Variants in VPS13D observed in about 807,000 individuals in gnomAD.
The protein encoded by VPS13D is intermembrane lipid transfer protein VPS13D.
A neutral mutation model predicts 461.9 loss-of-function variants in VPS13D; 187 were observed. The observed-to-expected ratio is 0.40, with a 90% confidence interval of 0.36 to 0.46. The LOEUF (loss-of-function observed/expected upper bound fraction) is 0.46. Ranked by LOEUF, VPS13D falls within the 20% of genes least tolerant of loss-of-function variation. The pLI is 0.60. For missense variants in VPS13D, 4,711 were observed against 5,364.9 expected (o/e 0.88, Z 3.81); for synonymous variants, 1,951 against 1,986.3 (o/e 0.98, Z 0.47).
intron 65 of VPS13D, among the ~76,000 whole-genome samples, chr1:12,429,147 T>C (rs1303337896): frequency 6.6e-6 from 1 of 151,582 alleles, no homozygotes; most frequent in Non-Finnish European, 1.5e-5. Context: ...TAGCCATAAA[T>C]AGTTATTGTA....
chr1:12,313,005 C>T (rs1056449216), intron 29 of VPS13D, among the ~76,000 whole-genome samples: 4 of 152,286 alleles, frequency 2.6e-5, no homozygotes, highest in African/African-American at 9.6e-5. Context: ...GTGCATTTCA[C>T]ACTTAATAAC....
chr1:12,442,644 G>A (rs1195617140), intron 65 of VPS13D, among the ~76,000 whole-genome samples: 1 of 149,470 alleles, frequency 6.7e-6, no homozygotes, highest in Non-Finnish European at 1.5e-5. Flanking sequence ...CACCCAGGCT[G>A]GAGTGCAGTG....
intron 67 of VPS13D, among the ~76,000 whole-genome samples, chr1:12,482,744 A>G (rs1378413003): frequency 6.9e-6 from 1 of 145,234 alleles, no homozygotes; most frequent in Non-Finnish European, 1.5e-5. Flanking sequence ...ATACACTAGT[A>G]TACATATATG....
In VPS13D at chr1:12,276,302, A is replaced by C; in HGVS notation, c.2714A>C (p.Glu905Ala). 1 of 1,614,170 alleles carries C rather than the reference A, an allele frequency of 6.2e-7. No homozygotes were observed. The highest frequency in any genetic ancestry group is 8.5e-7 in the Non-Finnish European group (1 of 1,180,032). ...TGCTTTGCTCTCCTCACCACCCCAG[A>C]AATGAAAACTTCTGACACTCAGATT... ...KNCFALLTTP[E>A]MKTSDTQIKE... The change falls in exon 19 of 70, where the codon GAA becomes GCA. Residue 905 changes from glutamate (E) to alanine (A), a missense_variant. Around this residue, in one of 3 missense-constraint regions of VPS13D, gnomAD observed 4,411 missense variants for 4,937.8 expected, o/e 0.89. Coordinates refer to ENST00000620676, the MANE Select transcript of VPS13D (RefSeq NM_015378.4). The surrounding 1 kb of genome is among the most constrained non-coding windows in gnomAD (Gnocchi z 4.5).
rs780976173 is a variant in VPS13D at position 12,363,046 on chromosome 1, A to G, written c.10273-26A>G. ...ATTGTCATGAATCGACTTGTTGACT[A>G]AAGCCTGTGATCCTATGTGTTTTAG... On this transcript the variant is annotated intron_variant, in intron 51 of 69. Transcript: ENST00000620676. 6.8e-6 allele frequency: 11 copies of G among 1,611,926 alleles called. No individual in the cohort carries two copies. In the South Asian group the frequency reaches 8.8e-5, roughly 13 times the overall value.
chr1:12,420,660 T>C (rs1644851683), intron 65 of VPS13D, among the ~76,000 whole-genome samples: 1 of 152,234 alleles, frequency 6.6e-6, no homozygotes, highest in South Asian at 2.1e-4. Context: ...TAAGCCATTA[T>C]TATAGACATA....
Position 12,283,405 on chromosome 1 carries a change from T to C in VPS13D, c.5303T>C (p.Val1768Ala). The C allele has an allele frequency of 6.2e-7, 1 of 1,614,148 alleles. No homozygotes were observed. The highest frequency in any genetic ancestry group is 8.5e-7 in the Non-Finnish European group (1 of 1,180,022). ...YPLTPPPSPT[V>A]DEPKILVGKS... ...TTGACCCCACCTCCTTCTCCAACAG[T>C]GGATGAGCCCAAGATACTTGTTGGA... Residue 1768 changes from valine (V) to alanine (A), a missense_variant, in exon 21 of 70, where the codon GTG (valine) becomes GCG (alanine). Transcript: ENST00000620676.
chr1:12,323,630 C>CT (rs1557709353), intron 34 of VPS13D, 76 bp from the exon 35 acceptor site: 1 of 1,439,600 alleles, frequency 6.9e-7, no homozygotes, highest in Non-Finnish European at 9.6e-7. Context: ...AATTTCTTTT[C>CT]TTTTTTTCTA....
chr1:12,248,668 A>G (rs1189376530), intron 5 of VPS13D, among the ~76,000 whole-genome samples: 1 of 152,204 alleles, frequency 6.6e-6, no homozygotes, highest in African/African-American at 2.4e-5. Context: ...TAATTCATTG[A>G]AGCAGAGTGC....
Position 12,369,671 on chromosome 1 carries a change from A to G in VPS13D, c.10777A>G (p.Ile3593Val). 6.2e-7 allele frequency: 1 copy of G among 1,614,164 alleles called. No homozygotes were observed. Among genetic ancestry groups the G allele is most frequent in the Non-Finnish European group, 8.5e-7 (1 of 1,180,014 alleles). ...DNRQLYYENF[I>V]YIAATYTFSG... ...TCGGCAGCTTTATTATGAAAATTTCATTTACATTGCTGCTACATATACATT... is the reference window on the plus strand; with the variant it reads ...TCGGCAGCTTTATTATGAAAATTTCGTTTACATTGCTGCTACATATACATT... The change falls in exon 54 of 70, where the codon ATT becomes GTT. Residue 3593 changes from isoleucine (I) to valine (V), a missense_variant. By Grantham distance (29) the Ile-to-Val change is conservative (BLOSUM62 3). This residue lies in a region of VPS13D where 4,411 missense variants were observed against 4,937.8 expected (regional missense o/e 0.89). Coordinates refer to ENST00000620676, the MANE Select transcript of VPS13D (RefSeq NM_015378.4).
In VPS13D at chr1:12,511,380, A is replaced by G. The variant is rs1444196954; in HGVS notation, c.*2356A>G. 1 of 152,196 alleles carries G rather than the reference A, an allele frequency of 6.6e-6. No individual in the cohort carries two copies. Among genetic ancestry groups the G allele is most frequent in the African/African-American group, 2.4e-5 (1 of 41,456 alleles). The allele number at this position is 152,196 out of a possible 1,614,324, so 9.4% of individuals were successfully genotyped here. A position where few individuals can be genotyped will look rare whatever the true frequency, so the allele number is the denominator to read the frequency against. ...CTGCAGCCCTGGGCCAGACAAGGCC[A>G]GAAGGTTTCAGGGGCATTTGACATC... On this transcript the variant is annotated 3_prime_UTR_variant, in exon 70 of 70. Coordinates refer to ENST00000620676, the MANE Select transcript of VPS13D (RefSeq NM_015378.4). The surrounding 1 kb of genome is among the most constrained non-coding windows in gnomAD (Gnocchi z 4.5).
chr1:12,258,211 G>A (rs1640981185), intron 10 of VPS13D, 108 bp downstream of exon 10: 18 of 1,367,802 alleles, frequency 1.3e-5, no homozygotes, highest in Non-Finnish European at 1.8e-5. Context: ...CCATGCCAAA[G>A]GGGCTAAATT....
intron 65 of VPS13D, among the ~76,000 whole-genome samples, chr1:12,417,300 A>G (rs1557427088): frequency 1.3e-5 from 2 of 152,240 alleles, no homozygotes; most frequent in Non-Finnish European, 1.5e-5. Flanking sequence ...CAGTGATGTC[A>G]TTCTCCAGTA....
chr1:12,297,892 GT>G (rs1642318315), intron 24 of VPS13D, among the ~76,000 whole-genome samples: 1 of 152,192 alleles, frequency 6.6e-6, no homozygotes, highest in Admixed American at 6.5e-5. Context: ...CATTTTATAA[GT>G]GAGGAAACAT....
chr1:12,418,934 A>T (rs1380024318), intron 65 of VPS13D, among the ~76,000 whole-genome samples: 2 of 152,038 alleles, frequency 1.3e-5, no homozygotes, highest in African/African-American at 2.4e-5. Flanking sequence ...AACAGGAGAG[A>T]CCTCCTAGGA....
intron 32 of VPS13D, 80 bp downstream of exon 32, chr1:12,319,710 A>AAG: frequency 1.9e-6 from 3 of 1,594,784 alleles, no homozygotes; most frequent in Non-Finnish European, 2.6e-6. Flanking sequence ...TCCCTCTTAA[A>AAG]CTTTCATGAG....
At position 12,459,487 on chromosome 1, in the gene VPS13D, T is replaced by C. The variant is rs185352429; in HGVS notation, c.12467-714T>C. ...AGATATCTTTCTTTTCTTTTCTTTT[T>C]TTTTTTTTTTTTGAGACAGTCTCGC... On this transcript the variant is annotated intron_variant, in intron 66 of 69. Transcript: ENST00000620676. Among the ~76,000 whole-genome samples, 466 of 150,232 alleles carry C rather than the reference T, an allele frequency of 3.1e-3. 5 individuals carry two copies. The highest frequency in any genetic ancestry group is 0.01 in the African/African-American group (417 of 40,946).
chr1:12,282,839 T>G lies in VPS13D; in HGVS notation c.4737T>G (p.Ser1579Arg). 1 of 1,614,166 alleles carries G rather than the reference T, an allele frequency of 6.2e-7. No homozygotes were observed. Among genetic ancestry groups the G allele is most frequent in the South Asian group, 1.1e-5 (1 of 91,086 alleles). Residue 1579 changes from serine to arginine, a missense_variant, in exon 21 of 70, where the codon AGT (serine) becomes AGG (arginine). By Grantham distance (110) the Ser-to-Arg change is moderately radical. This residue lies in a region of VPS13D where 4,411 missense variants were observed against 4,937.8 expected (regional missense o/e 0.89). Coordinates refer to ENST00000620676, the MANE Select transcript of VPS13D (RefSeq NM_015378.4). ...CTGATTCTCCTCTGCCTCCCCTCAG[T>G]ACCTGTGGAGAATCTTCTGTTGAAA... ...PCPDSPLPPL[S>R]TCGESSVERK... is the part of the protein sequence containing the mutation.
chr1:12,409,277 A>G (rs1207128884), intron 63 of VPS13D, among the ~76,000 whole-genome samples: 1 of 152,220 alleles, frequency 6.6e-6, no homozygotes, highest in East Asian at 1.9e-4. Flanking sequence ...GTCACAAAAA[A>G]GTTTTCCCTT....
Sources: allele counts gnomAD v4.1 joint callset (sites outside exome capture counted in the v4.1 genomes callset), GRCh38; gene constraint gnomAD v4.1.1; regional missense constraint gnomAD v4.1.1; non-coding constraint Gnocchi (gnomAD v3.1); transcripts MANE v1.5; gene names NCBI Gene and HGNC (gene_info 2026-07-23, HGNC 2026-07-21).